The following AXDND1 variants were observed in gnomAD, a reference collection of about 807,000 sequenced individuals.
AXDND1 encodes axonemal dynein light chain domain-containing protein 1.
A neutral mutation model predicts 137.5 loss-of-function variants in AXDND1; 110 were observed. That is an observed-to-expected ratio of 0.80 (90% confidence interval 0.69 to 0.94). AXDND1 has a LOEUF of 0.94. AXDND1 is among the 40% of genes least tolerant of loss of function. The pLI is 0.00. For missense variants in AXDND1, 1,191 were observed against 1,169.8 expected (o/e 1.02, Z -0.26); for synonymous variants, 414 against 399.7 (o/e 1.04, Z -0.43).
chr1:179,551,505 CA>C (rs1673278128), intron 25 of AXDND1: 4 of 1,602,482 alleles, frequency 2.5e-6, no homozygotes, highest in Non-Finnish European at 8.5e-7. Flanking sequence ...CTGAAGGCTT[CA>C]CCACTATGCA....
chr1:179,403,453 A>G (rs1417904157), intron 11 of AXDND1, among the ~76,000 whole-genome samples: 1 of 152,232 alleles, frequency 6.6e-6, no homozygotes, highest in Non-Finnish European at 1.5e-5. Context: ...GGTGTTATTC[A>G]AGGTTTATGT....
At chr1:179,521,716 T>A (rs552408479) in intron 21 of AXDND1, among the ~76,000 whole-genome samples, 1 of 152,102 alleles carries the variant, frequency 6.6e-6, no homozygotes, top group African/African-American at 2.4e-5. Flanking sequence ...AAACTCAGTT[T>A]TTGTTTGTCT....
At chr1:179,473,016 A>G (rs1041633836) in intron 17 of AXDND1, among the ~76,000 whole-genome samples, 1 of 151,960 alleles carries the variant, frequency 6.6e-6, no homozygotes, top group Non-Finnish European at 1.5e-5. Context: ...TATTATTGAC[A>G]TGGTTGGATT....
At chr1:179,550,593 C>T (rs1279426794) in intron 25 of AXDND1, 1 of 153,344 alleles carries the variant, frequency 6.5e-6, no homozygotes, top group Non-Finnish European at 1.5e-5. Flanking sequence ...CCAAGTACAT[C>T]TCTCTTTTTT....
At chr1:179,397,676 T>C (rs1466504664) in intron 11 of AXDND1, among the ~76,000 whole-genome samples, 1 of 152,212 alleles carries the variant, frequency 6.6e-6, no homozygotes, top group East Asian at 1.9e-4. Flanking sequence ...CAAGGTTTTG[T>C]TCATTCCTTT....
intron 12 of AXDND1, among the ~76,000 whole-genome samples, chr1:179,425,052 C>T (rs1327991050): frequency 1.3e-5 from 2 of 152,112 alleles, no homozygotes; most frequent in Non-Finnish European, 2.9e-5. Flanking sequence ...TTGCTTTGTC[C>T]ATTTGGGGAG....
chr1:179,543,031 G>GA (rs1264571783), intron 25 of AXDND1, among the ~76,000 whole-genome samples: 6 of 151,936 alleles, frequency 3.9e-5, no homozygotes, highest in Non-Finnish European at 8.8e-5. Context: ...GTAACCCCTT[G>GA]AAAAAAATGC....
chr1:179,533,463 C>T (rs1293607993), intron 23 of AXDND1, among the ~76,000 whole-genome samples: 1 of 152,058 alleles, frequency 6.6e-6, no homozygotes, highest in Non-Finnish European at 1.5e-5. Context: ...TATAAAGAAA[C>T]ATGTTGATCC....
intron 25 of AXDND1, chr1:179,543,203 GGGATGTATT>G (rs1196155090): frequency 6.6e-6 from 1 of 152,124 alleles, no homozygotes; most frequent in Non-Finnish European, 1.5e-5. Flanking sequence ...GACAGAGTAG[GGGATGTATT>G]TATTTTTATT....
intron 25 of AXDND1, among the ~76,000 whole-genome samples, chr1:179,541,112 C>T (rs1393886998): frequency 6.6e-6 from 1 of 152,186 alleles, no homozygotes; most frequent in Non-Finnish European, 1.5e-5. Flanking sequence ...TTGCTGGGCT[C>T]CGTGGGTGGG....
At chr1:179,377,538 C>A (rs1558089218) in intron 4 of AXDND1, among the ~76,000 whole-genome samples, 1 of 152,128 alleles carries the variant, frequency 6.6e-6, no homozygotes, top group Non-Finnish European at 1.5e-5. Context: ...TATATTTGGC[C>A]TAGCTTAGAC....
chr1:179,378,619 A>G lies in AXDND1; in HGVS notation c.375-18A>G, dbSNP rs1335189902. 4 of 1,552,440 alleles carry G rather than the reference A, an allele frequency of 2.6e-6. No homozygotes were observed. In the African/African-American group the frequency reaches 4.1e-5, roughly 16 times the overall value. ...GATAGAAAATTTGTTTTGTAAATAT[A>G]TTTTTCTTACTTTTTAGGGATATTT... On this transcript the variant is annotated intron_variant, in intron 4 of 25. Coordinates refer to ENST00000367618, the MANE Select transcript of AXDND1 (RefSeq NM_144696.6).
chr1:179,403,520 G>A (rs527384866), intron 11 of AXDND1, among the ~76,000 whole-genome samples: 68 of 152,304 alleles, frequency 4.5e-4, no homozygotes, highest in African/African-American at 1.5e-3. Context: ...ACTTTTTACT[G>A]CAATACACAA....
At chr1:179,420,066 T>TCC (rs1655440552) in intron 12 of AXDND1, among the ~76,000 whole-genome samples, 1 of 152,270 alleles carries the variant, frequency 6.6e-6, no homozygotes, top group East Asian at 1.9e-4. Flanking sequence ...AGTACAATGT[T>TCC]AACTGTGGGT....
At chr1:179,404,916 T>TA (rs1558130034) in intron 11 of AXDND1, among the ~76,000 whole-genome samples, 1 of 151,936 alleles carries the variant, frequency 6.6e-6, no homozygotes, top group African/African-American at 2.4e-5. Flanking sequence ...TTTTTTTTTT[T>TA]TAATTATACT....
intron 12 of AXDND1, among the ~76,000 whole-genome samples, chr1:179,428,135 A>G (rs551383637): frequency 2.0e-5 from 3 of 152,236 alleles, no homozygotes; most frequent in African/African-American, 7.2e-5. Context: ...ACAGTGTTCC[A>G]TTCTGATGCA....
rs887591419 is a variant in AXDND1, at chr1:179,484,507, C to T, written c.2091+1286C>T. 3.3e-5 allele frequency among the ~76,000 whole-genome samples: 5 copies of T among 152,242 alleles called. No individual in the cohort carries two copies. In the South Asian group the frequency reaches 1.0e-3, roughly 32 times the overall value. On this transcript the variant is annotated intron_variant, in intron 18 of 25. Transcript: ENST00000367618. ...CCTGTTTGCAGTGCAGCCTTGGATG[C>T]CCAGCTGAGGTGCCTCCCAGGGGCC...
intron 25 of AXDND1, among the ~76,000 whole-genome samples, chr1:179,540,345 T>G (rs1484816009): frequency 2.6e-5 from 4 of 152,214 alleles, no homozygotes; most frequent in African/African-American, 9.6e-5. Context: ...CTACATTTTG[T>G]CTTTGATGTT....
chr1:179,456,039 T>A, intron 16 of AXDND1: 1 of 425,404 alleles, frequency 2.4e-6, no homozygotes, highest in Non-Finnish European at 4.6e-6. Context: ...TGTTATAGAG[T>A]TAGTCACAAA....
Sources: gnomAD v4.1 joint callset for allele counts (sites outside exome capture counted in the v4.1 genomes callset) on GRCh38, gnomAD v4.1.1 for gene constraint, MANE v1.5 for transcripts, NCBI Gene and HGNC (gene_info 2026-07-23, HGNC 2026-07-21) for gene names.